The following SMAD7 variants were observed in gnomAD, a reference collection of about 807,000 sequenced individuals.
The protein encoded by SMAD7 is SMAD family member 7.
Under a neutral mutation model 38.7 loss-of-function variants are expected in SMAD7, and 8 were observed. That is an observed-to-expected ratio of 0.21 (90% CI 0.12 to 0.37). The LOEUF is 0.37. Among genes scored for constraint, SMAD7 ranks in the 10% least tolerant of loss-of-function variants. The pLI is 1.00. For missense variants in SMAD7, 477 were observed against 577.9 expected, an observed-to-expected ratio of 0.83 and a Z score of 1.79; for synonymous variants, 327 against 265.1, an observed-to-expected ratio of 1.23 and a Z score of -2.27.
chr18:48,949,043 G>C (rs1018458463), intron 1 of SMAD7, among the ~76,000 whole-genome samples: 1 of 152,238 alleles, frequency 6.6e-6, no homozygotes, highest in East Asian at 1.9e-4. Context: ...AGGAGTTTCA[G>C]GGTCTCAGCC....
At chr18:48,929,337 AG>A (rs1231130875) in intron 3 of SMAD7, among the ~76,000 whole-genome samples, 2 of 152,058 alleles carry the variant, frequency 1.3e-5, no homozygotes, top group Non-Finnish European at 2.9e-5. Context: ...TGGCACCCCC[AG>A]GAAGACACAA....
At chr18:48,929,837 C>T (rs2069975315) in intron 3 of SMAD7, among the ~76,000 whole-genome samples, 1 of 151,910 alleles carries the variant, frequency 6.6e-6, no homozygotes, top group Non-Finnish European at 1.5e-5. Flanking sequence ...GACCCTTCTC[C>T]CACCCTATCC....
chr18:48,922,826 G>A (rs888420952), intron 3 of SMAD7, among the ~76,000 whole-genome samples: 15 of 151,948 alleles, frequency 9.9e-5, no homozygotes, highest in African/African-American at 2.9e-4. Flanking sequence ...GCCCTGCTCC[G>A]CCCTCATCCC....
At position 48,950,595 on chromosome 18, in the gene SMAD7, G is replaced by A. The variant is rs1245317459; in HGVS notation, c.-171C>T. The stretch of plus-strand genomic sequence containing the variant: ...CGGCCCGAGGGGCGCTCCGTGGCAT[G>A]CGCCAGTCTCCCGGAGGCCGGGGCG... On this transcript the variant is annotated 5_prime_UTR_variant, in exon 1 of 4. Coordinates refer to ENST00000262158, the MANE Select transcript of SMAD7 (RefSeq NM_005904.4). The A allele has an allele frequency of 5.4e-5, 25 of 464,262 alleles. No homozygotes were observed. The highest frequency in any genetic ancestry group is 3.4e-6 in the Non-Finnish European group (1 of 295,068). 28.8% of individuals were successfully genotyped at this position (464,262 alleles called of 1,614,324 possible). A position where few individuals can be genotyped will look rare whatever the true frequency, so the allele number is the denominator to read the frequency against.
At chr18:48,949,694 C>A in intron 1 of SMAD7, 118 bp downstream of exon 1, 1 of 1,157,148 alleles carries the variant, frequency 8.6e-7, no homozygotes, top group Non-Finnish European at 1.2e-6. Flanking sequence ...GCACACTCTC[C>A]CAGGAGGGTA....
intron 2 of SMAD7, among the ~76,000 whole-genome samples, chr18:48,945,484 A>G (rs1257679604): frequency 6.6e-6 from 1 of 152,220 alleles, no homozygotes; most frequent in African/African-American, 2.4e-5. Context: ...ACAGCACTGC[A>G]TCGGAATCCT....
chr18:48,942,590 T>C, intron 2 of SMAD7, 35 bp from the exon 3 acceptor site: 3 of 1,613,188 alleles, frequency 1.9e-6, no homozygotes, highest in Non-Finnish European at 2.5e-6. Flanking sequence ...AAGAAATAAA[T>C]ACACAAATAA....
At chr18:48,940,571 C>T (rs1180011721) in intron 3 of SMAD7, among the ~76,000 whole-genome samples, 11 of 152,028 alleles carry the variant, frequency 7.2e-5, no homozygotes, top group East Asian at 1.9e-4. Flanking sequence ...GCCAACATGG[C>T]GAAACCCCAT....
In SMAD7 at chr18:48,950,200, G is replaced by GGGAT; in HGVS notation, c.221_224dup (p.His76SerfsTer107). ...CGCCGGCGCCCGCGGCTGGCGGGTG[G>GGGAT]GGATGGTGGTGACCTTTGGCACCTC... On this transcript the variant is annotated frameshift_variant, in exon 1 of 4. Coordinates refer to ENST00000262158, the MANE Select transcript of SMAD7 (RefSeq NM_005904.4). LOFTEE classifies it high-confidence loss of function. The GGGAT allele has an allele frequency of 6.7e-7, 1 of 1,487,792 alleles. No homozygotes were observed. The highest frequency in any genetic ancestry group is 8.9e-7 in the Non-Finnish European group (1 of 1,124,976). The allele number at this position is 1,487,792 out of a possible 1,614,324, so 92.2% of individuals were successfully genotyped here. A position where few individuals can be genotyped will look rare whatever the true frequency, so the allele number is the denominator to read the frequency against.
chr18:48,943,830 T>A (rs1171910190), intron 2 of SMAD7, among the ~76,000 whole-genome samples: 1 of 123,140 alleles, frequency 8.1e-6, no homozygotes, highest in African/African-American at 4.3e-5. Flanking sequence ...TCTGGGTTTC[T>A]GCTGTCTGCC....
In SMAD7 at chr18:48,919,933, A is replaced by G. The variant is rs1021056932; in HGVS notation, c.*1439T>C. On this transcript the variant is annotated 3_prime_UTR_variant, in exon 4 of 4. Coordinates refer to ENST00000262158, the MANE Select transcript of SMAD7 (RefSeq NM_005904.4). Reference sequence around the variant, plus strand: ...TTCAGCTAGGTGATAACACCCATAGAAAAAAACACCAATCTTGTGTTTATC... The same window carrying G: ...TTCAGCTAGGTGATAACACCCATAGGAAAAAACACCAATCTTGTGTTTATC... The G allele has an allele frequency of 2.6e-5, 4 of 152,664 alleles. No individual in the cohort carries two copies. The highest frequency in any genetic ancestry group is 4.8e-5 in the African/African-American group (2 of 41,460). The allele number at this position is 152,664 out of a possible 1,614,324, so 9.5% of individuals were successfully genotyped here. A position where few individuals can be genotyped will look rare whatever the true frequency, so the allele number is the denominator to read the frequency against.
chr18:48,948,424 A>AG lies in SMAD7; in HGVS notation c.626dup (p.Pro210SerfsTer25), dbSNP rs747624971. Reference sequence around the variant, plus strand: ...AATCCATCGGGTATCTGGAGTAAGGAGGGGGGGGAGACTCTGAAATTAAAA... The same window carrying AG: ...AATCCATCGGGTATCTGGAGTAAGGAGGGGGGGGGAGACTCTGAAATTAAAA... On this transcript the variant is annotated frameshift_variant, in exon 2 of 4. Coordinates refer to ENST00000262158, the MANE Select transcript of SMAD7 (RefSeq NM_005904.4). LOFTEE classifies it high-confidence loss of function. 186 of 1,587,232 alleles carry AG rather than the reference A, an allele frequency of 1.2e-4. No homozygotes were observed. The highest frequency in any genetic ancestry group is 1.5e-4 in the South Asian group (13 of 87,334).
Position 48,950,616 on chromosome 18 carries a change from G to A in SMAD7, c.-192C>T, listed in dbSNP as rs2070252902. 1 of 292,542 alleles carries A rather than the reference G, an allele frequency of 3.4e-6. No homozygotes were observed. Among genetic ancestry groups the A allele is most frequent in the East Asian group, 6.7e-5 (1 of 15,036 alleles). 18.1% of individuals were successfully genotyped at this position (292,542 alleles called of 1,614,324 possible). On this transcript the variant is annotated 5_prime_UTR_variant, in exon 1 of 4. Transcript: ENST00000262158. The stretch of plus-strand genomic sequence containing the variant: ...GCATGCGCCAGTCTCCCGGAGGCCG[G>A]GGCGCGCGCGGGGGCCCGGGGGCGC...
At position 48,950,201 on chromosome 18, in the gene SMAD7, G is replaced by A. The variant is rs2070246302; in HGVS notation, c.224C>T (p.Pro75Leu). The change falls in exon 1 of 4, where the codon CCC (proline) becomes CTC (leucine). Residue 75 changes from proline to leucine, a missense_variant. Pro to Leu is a moderately conservative substitution (Grantham distance 98, BLOSUM62 -3). Around this residue, in one of 2 missense-constraint regions of SMAD7, gnomAD observed 376 missense variants for 379.4 expected, o/e 0.99. Coordinates refer to ENST00000262158, the MANE Select transcript of SMAD7 (RefSeq NM_005904.4). ...GCCGGCGCCCGCGGCTGGCGGGTGG[G>A]GATGGTGGTGACCTTTGGCACCTCG... Reference protein sequence around the residue: ...AVRGAKGHHHPHPPAAGAGAA... With the variant: ...AVRGAKGHHHLHPPAAGAGAA... 4.0e-6 allele frequency: 6 copies of A among 1,492,808 alleles called. No individual in the cohort carries two copies. The highest frequency in any genetic ancestry group is 1.5e-5 in the African/African-American group (1 of 68,332). 92.5% of individuals were successfully genotyped at this position (1,492,808 alleles called of 1,614,324 possible).
chr18:48,936,717 G>C (rs926891071), intron 3 of SMAD7, among the ~76,000 whole-genome samples: 1 of 152,134 alleles, frequency 6.6e-6, no homozygotes, highest in Non-Finnish European at 1.5e-5. Context: ...GGCCTGGACC[G>C]AAGGAAGTAA....
chr18:48,941,273 T>A (rs1236434674), intron 3 of SMAD7, among the ~76,000 whole-genome samples: 1 of 152,174 alleles, frequency 6.6e-6, no homozygotes, highest in Non-Finnish European at 1.5e-5. Context: ...TTTTTCCTGC[T>A]CAATTCTCAT....
At chr18:48,932,545 C>G (rs569791552) in intron 3 of SMAD7, among the ~76,000 whole-genome samples, 1 of 152,176 alleles carries the variant, frequency 6.6e-6, no homozygotes, top group Non-Finnish European at 1.5e-5. Flanking sequence ...CAGCTCTCCC[C>G]GCCTTTTCTT....
At chr18:48,947,898 C>A (rs537907497) in intron 2 of SMAD7, among the ~76,000 whole-genome samples, 6 of 149,546 alleles carry the variant, frequency 4.0e-5, no homozygotes, top group South Asian at 4.4e-4. Flanking sequence ...ACCTACCCCC[C>A]CCCCCCTTTT....
At chr18:48,939,729 A>C (rs2070115412) in intron 3 of SMAD7, among the ~76,000 whole-genome samples, 2 of 152,142 alleles carry the variant, frequency 1.3e-5, no homozygotes, top group Non-Finnish European at 2.9e-5. Flanking sequence ...GACAGGAAGG[A>C]AAACAGCACA....
Sources: gnomAD v4.1 joint callset for allele counts (sites outside exome capture counted in the v4.1 genomes callset) on GRCh38, gnomAD v4.1.1 for gene constraint, gnomAD v4.1.1 regional missense constraint, MANE v1.5 for transcripts, NCBI Gene and HGNC (gene_info 2026-07-23, HGNC 2026-07-21) for gene names.